The following ZNF479 variants were observed in gnomAD, a reference collection of about 807,000 sequenced individuals.
ZNF479 encodes the protein KRAB zinc finger protein KR19.
In ZNF479, 15 loss-of-function variants were observed where a neutral mutation model predicts 14.7. The ratio of observed to expected loss-of-function variants is 1.02; its 90% CI spans 0.68 to 1.57. The LOEUF (loss-of-function observed/expected upper bound fraction) is 1.57. Ranked by LOEUF, ZNF479 falls within the 40% of genes most tolerant of loss-of-function variation. The pLI is 0.00. For synonymous variants in ZNF479, 145 were observed against 211.5 expected, an observed-to-expected ratio of 0.69 and a Z score of 2.73; for missense variants, 506 against 615.1, an observed-to-expected ratio of 0.82 and a Z score of 1.88.
intron 1 of ZNF479, among the ~76,000 whole-genome samples, chr7:57,128,050 C>T (rs963773470): frequency 1.5e-4 from 22 of 151,680 alleles, no homozygotes; most frequent in African/African-American, 4.6e-4. Flanking sequence ...ATTCTCCTGC[C>T]TCAACCTCCC....
chr7:57,136,119 C>T (rs1477684700), upstream of ZNF479, among the ~76,000 whole-genome samples: 2 of 152,076 alleles, frequency 1.3e-5, no homozygotes, highest in Non-Finnish European at 2.9e-5. Context: ...CATGGTGACT[C>T]ACGCCTGTAA....
chr7:57,127,156 G>A (rs1786211742), intron 1 of ZNF479, among the ~76,000 whole-genome samples: 1 of 151,586 alleles, frequency 6.6e-6, no homozygotes, highest in African/African-American at 2.4e-5. Flanking sequence ...CTGGGTAGCT[G>A]GGACTACAGG....
rs117189028 is a variant in ZNF479, at chr7:57,120,655, C to A, written c.760G>T (p.Ala254Ser). ...EECGKAFSWS[A>S]NLTRHKRTHT... Reference sequence around the variant, plus strand: ...GTTCTCTTATGTCTAGTAAGGTTTGCAGACCAGCTAAAGGCTTTGCCACAT... The same window carrying A: ...GTTCTCTTATGTCTAGTAAGGTTTGAAGACCAGCTAAAGGCTTTGCCACAT... Residue 254 changes from alanine (A) to serine (S), a missense_variant, in exon 4 of 4, where the codon GCA (alanine) becomes TCA (serine). Physicochemically the swap from Ala to Ser is moderately conservative, Grantham distance 99 (BLOSUM62 1). This residue lies in a region of ZNF479 where 420 missense variants were observed against 474.2 expected (regional missense o/e 0.89). Coordinates refer to ENST00000319636, the MANE Select transcript of ZNF479 (RefSeq NM_001370129.2). 0.043 allele frequency: 70,047 copies of A among 1,613,374 alleles called. 2,456 individuals carry two copies. The highest frequency in any genetic ancestry group is 0.21 in the East Asian group (9,626 of 44,844).
rs764389363 is a variant in ZNF479, at chr7:57,126,005, C to T, written c.262+13G>A. 16,322 of 1,568,116 alleles carry T rather than the reference C, an allele frequency of 0.01. 255 individuals carry two copies. The highest frequency in any genetic ancestry group is 0.027 in the African/African-American group (2,000 of 73,884). Reference sequence around the variant, plus strand: ...TCTCATCTGTCTCATCTGCTTCATTCGCTCTCACCTACCTGGGTGTTTGGC... The same window carrying T: ...TCTCATCTGTCTCATCTGCTTCATTTGCTCTCACCTACCTGGGTGTTTGGC... On this transcript the variant is annotated intron_variant, in intron 3 of 3. Transcript: ENST00000319636.
chr7:57,123,918 C>G (rs898069817), intron 3 of ZNF479, among the ~76,000 whole-genome samples: 1 of 151,520 alleles, frequency 6.6e-6, no homozygotes, highest in African/African-American at 2.4e-5. Flanking sequence ...AAAAGTAATA[C>G]TGGCAAATCA....
rs1198282921 is a variant in ZNF479 at position 57,119,372 on chromosome 7, C to G, written c.*468G>C. Among the ~76,000 whole-genome samples the G allele has an allele frequency of 1.3e-5, 2 of 151,352 alleles. No homozygotes were observed. The highest frequency in any genetic ancestry group is 2.9e-5 in the Non-Finnish European group (2 of 67,878). The stretch of plus-strand genomic sequence containing the variant: ...ATAAGTTCTCTTAGGCTTTGGGAGG[C>G]TGACAAAGGTGGATCACCTGAGGTC... On this transcript the variant is annotated 3_prime_UTR_variant, in exon 4 of 4. Coordinates refer to ENST00000319636, the MANE Select transcript of ZNF479 (RefSeq NM_001370129.2).
intron 3 of ZNF479, 110 bp from the exon 4 acceptor site, chr7:57,121,262 A>T (rs1785934348): frequency 1.0e-6 from 1 of 960,506 alleles, no homozygotes; most frequent in Admixed American, 2.7e-5. Context: ...ATGCCATATC[A>T]AAATACCACA....
chr7:57,120,455 A>G lies in ZNF479; in HGVS notation c.960T>C (p.Thr320=). Residue 320 remains threonine (T), a synonymous_variant, in exon 4 of 4, where the codon ACT becomes ACC. Transcript: ENST00000319636. ...STLTDHKRIH[T]GEKPCRCEEC... Reference sequence around the variant, plus strand: ...CCTCACACCTGCAGGGTTTCTCTCCAGTATGAATTCTCTTGTGGTCAGTGA... The same window carrying G: ...CCTCACACCTGCAGGGTTTCTCTCCGGTATGAATTCTCTTGTGGTCAGTGA... 6.2e-7 allele frequency: 1 copy of G among 1,611,858 alleles called. No individual in the cohort carries two copies. Among genetic ancestry groups the G allele is most frequent in the Non-Finnish European group, 8.5e-7 (1 of 1,179,346 alleles).
At chr7:57,134,021 C>T (rs190349122), upstream of ZNF479, among the ~76,000 whole-genome samples, 15 of 152,198 alleles carry the variant, frequency 9.9e-5, no homozygotes, top group East Asian at 2.9e-3. Context: ...TGAATGTAAT[C>T]TTGTATTTTA....
chr7:57,128,191 G>A (rs866666265), intron 1 of ZNF479, among the ~76,000 whole-genome samples: 10 of 151,956 alleles, frequency 6.6e-5, no homozygotes, highest in Middle Eastern at 3.4e-3. Flanking sequence ...CACCTGCCTC[G>A]GCCTCCCAAT....
At position 57,119,077 on chromosome 7, in the gene ZNF479, C is replaced by A. The variant is rs188186965; in HGVS notation, c.*763G>T. 5.8e-3 allele frequency among the ~76,000 whole-genome samples: 883 copies of A among 152,256 alleles called. 5 individuals are homozygous for A. Among genetic ancestry groups the A allele is most frequent in the Middle Eastern group, 0.017 (5 of 294 alleles). On this transcript the variant is annotated 3_prime_UTR_variant, in exon 4 of 4. Coordinates refer to ENST00000319636, the MANE Select transcript of ZNF479 (RefSeq NM_001370129.2). ...AAAGGGTTTGCCACATTTTTTTCTG[C>A]AATTGCAGGGTTTCTCTCCAATATC... is the stretch of plus-strand genomic sequence containing the variant.
chr7:57,120,535 C>T lies in ZNF479; in HGVS notation c.880G>A (p.Glu294Lys). 1 of 1,613,718 alleles carries T rather than the reference C, an allele frequency of 6.2e-7. No homozygotes were observed. The highest frequency in any genetic ancestry group is 2.2e-5 in the East Asian group (1 of 44,858). The part of the protein sequence containing the change: ...LTNHKRIHTG[E>K]RPYKCEECGK... ...CATTCTTCACATTTGTAGGGTCTCT[C>T]TCCAGTATGAATTCTCTTGTGGTTA... The change falls in exon 4 of 4, where the codon GAG becomes AAG. Residue 294 changes from glutamate (E) to lysine (K), a missense_variant. Physicochemically the swap from Glu to Lys is moderately conservative, Grantham distance 56 (BLOSUM62 1). Transcript: ENST00000319636.
intron 1 of ZNF479, 51 bp downstream of exon 1, chr7:57,132,235 G>A (rs370180548): frequency 5.4e-5 from 87 of 1,613,838 alleles, no homozygotes; most frequent in Non-Finnish European, 7.0e-5. Context: ...ACTTTCTGCC[G>A]GTTCCAATCA....
At chr7:57,134,406 A>G (rs1786554390), upstream of ZNF479, among the ~76,000 whole-genome samples, 1 of 152,202 alleles carries the variant, frequency 6.6e-6, no homozygotes, top group Admixed American at 6.5e-5. Context: ...TGCCATGGCA[A>G]CATCAGAGAG....
upstream of ZNF479, among the ~76,000 whole-genome samples, chr7:57,136,007 CTCTCTCTT>C (rs1786639547): frequency 2.7e-5 from 4 of 148,168 alleles, no homozygotes; most frequent in South Asian, 2.1e-4. Flanking sequence ...CTCTCTCTCT[CTCTCTCTT>C]TCCTTTCCTA....
chr7:57,119,921 A>C lies in ZNF479; in HGVS notation c.1494T>G (p.Cys498Trp), dbSNP rs781856071. The C allele has an allele frequency of 3.1e-6, 5 of 1,613,596 alleles. No individual in the cohort carries two copies. The African/African-American group carries it at 6.7e-5, about 22-fold the overall frequency. ...TGEKPYKCEE[C>W]EQAFKWHSSL... ...TTGAATGCCACTTAAAAGCTTGCTCACATTCTTCACATTTGTAGGGTTTCT... is the reference window on the plus strand; with the variant it reads ...TTGAATGCCACTTAAAAGCTTGCTCCCATTCTTCACATTTGTAGGGTTTCT... The change falls in exon 4 of 4, where the codon TGT (cysteine) becomes TGG (tryptophan). Residue 498 changes from cysteine (C) to tryptophan (W), a missense_variant. Physicochemically the swap from Cys to Trp is radical, Grantham distance 215. Around this residue, in one of 3 missense-constraint regions of ZNF479, gnomAD observed 72 missense variants for 97.6 expected, o/e 0.74. Transcript: ENST00000319636.
At chr7:57,134,942 CG>C (rs1562853102), upstream of ZNF479, among the ~76,000 whole-genome samples, 2 of 151,978 alleles carry the variant, frequency 1.3e-5, no homozygotes, top group Non-Finnish European at 2.9e-5. Flanking sequence ...CCCAAATTGC[CG>C]GGGTTACAGG....
At chr7:57,121,588 G>C (rs1489922743) in intron 3 of ZNF479, among the ~76,000 whole-genome samples, 1 of 152,158 alleles carries the variant, frequency 6.6e-6, no homozygotes, top group Non-Finnish European at 1.5e-5. Context: ...GAAGAAATAT[G>C]AAGAAGTCTT....
intron 3 of ZNF479, among the ~76,000 whole-genome samples, chr7:57,122,975 T>A (rs954663568): frequency 3.3e-5 from 5 of 151,986 alleles, no homozygotes; most frequent in African/African-American, 1.2e-4. Context: ...TAATAAAAAA[T>A]TTAAATAAAA....
Sources: gnomAD v4.1 joint callset for allele counts (sites outside exome capture counted in the v4.1 genomes callset) on GRCh38, gnomAD v4.1.1 for gene constraint, gnomAD v4.1.1 regional missense constraint, MANE v1.5 for transcripts, NCBI Gene and HGNC (gene_info 2026-07-23, HGNC 2026-07-21) for gene names.